The following ZNF469 variants were observed in gnomAD, a reference collection of about 807,000 sequenced individuals.
ZNF469 encodes the protein zinc finger protein 469.
Under a neutral mutation model 1.0 loss-of-function variants are expected in ZNF469, and 1 was observed. That is an observed-to-expected ratio of 1.00 (90% CI 0.35 to 4.73). ZNF469 has a LOEUF of 4.73. Ranked by LOEUF, ZNF469 falls within the 30% of genes most tolerant of loss-of-function variation. The pLI is 0.16. For synonymous variants in ZNF469, 2,703 were observed against 2,363.4 expected, an observed-to-expected ratio of 1.14 and a Z score of -4.17; for missense variants, 6,100 against 5,356.3, an observed-to-expected ratio of 1.14 and a Z score of -4.33.
At chr16:88,341,555 A>G in the ZNF469 span, among the ~76,000 whole-genome samples, 3 of 152,224 alleles carry the variant, frequency 2.0e-5, no homozygotes. Context: ...GCCGTGCCCC[A>G]GAAAGCAGGC....
At chr16:88,125,787 T>A in the ZNF469 span, among the ~76,000 whole-genome samples, 412 of 152,376 alleles carry the variant, frequency 2.7e-3, 3 homozygotes, top group Non-Finnish European at 2.5e-3. Flanking sequence ...TGGTATTTTT[T>A]AAAAATTTAA....
At chr16:88,200,680 C>T in the ZNF469 span, among the ~76,000 whole-genome samples, 70 of 152,384 alleles carry the variant, frequency 4.6e-4, no homozygotes, top group African/African-American at 1.6e-3. Flanking sequence ...CAGCTGGTTC[C>T]CTCTGCCTGG....
the ZNF469 span, among the ~76,000 whole-genome samples, chr16:88,141,703 C>T: frequency 2.0e-5 from 3 of 152,252 alleles, no homozygotes; most frequent in South Asian, 6.2e-4. Context: ...CACGGGCATC[C>T]TTGTAGGAGG....
chr16:88,432,144 C>A lies in ZNF469; in HGVS notation c.4674C>A (p.Ser1558=). The stretch of plus-strand genomic sequence containing the variant: ...GCGTTGCTCTTATGAGTCACCTGTC[C>A]GAGGATGAACTGGAGATCCAGAAAT... ...GCSVALMSHL[S]EDELEIQKLV... is the part of the protein sequence containing the mutation. The change falls in exon 3 of 3, where the codon TCC becomes TCA. Residue 1558 remains serine (S), a synonymous_variant. Transcript: ENST00000565624. The A allele has an allele frequency of 6.5e-7, 1 of 1,550,272 alleles. No homozygotes were observed. Among genetic ancestry groups the A allele is most frequent in the Non-Finnish European group, 8.7e-7 (1 of 1,146,972 alleles).
chr16:88,341,943 C>A, the ZNF469 span, among the ~76,000 whole-genome samples: 1 of 152,130 alleles, frequency 6.6e-6, no homozygotes, highest in African/African-American at 2.4e-5. Flanking sequence ...GGTGTCGGGG[C>A]GGCCAGCATT....
chr16:88,431,766 C>A lies in ZNF469; in HGVS notation c.4296C>A (p.Ser1432Arg). The A allele has an allele frequency of 6.5e-7, 1 of 1,549,910 alleles. No homozygotes were observed. Among genetic ancestry groups the A allele is most frequent in the Non-Finnish European group, 8.7e-7 (1 of 1,146,954 alleles). The change falls in exon 3 of 3, where the codon AGC becomes AGA. Residue 1432 changes from serine to arginine, a missense_variant. Transcript: ENST00000565624. ...CCCTCGAGCCACAGCTGCCAAGGAG[C>A]CCACCTGGCACCGCTGAGACGGAGC... ...AGSLEPQLPRSPPGTAETEPG... is the reference protein window; with the variant it reads ...AGSLEPQLPRRPPGTAETEPG...
chr16:88,238,783 A>C, the ZNF469 span, among the ~76,000 whole-genome samples: 1 of 152,230 alleles, frequency 6.6e-6, no homozygotes, highest in Non-Finnish European at 1.5e-5. Context: ...GCCCTGTGAT[A>C]ATCCACCAGA....
chr16:88,347,576 T>C, the ZNF469 span, among the ~76,000 whole-genome samples: 1 of 152,110 alleles, frequency 6.6e-6, no homozygotes, highest in African/African-American at 2.4e-5. Context: ...TAAACTCCCG[T>C]TTTAACCACA....
the ZNF469 span, among the ~76,000 whole-genome samples, chr16:88,291,380 G>T: frequency 6.6e-6 from 1 of 152,190 alleles, no homozygotes. Context: ...TGAGCTATCG[G>T]ACGTAGAAGC....
At chr16:88,269,721 C>A in the ZNF469 span, among the ~76,000 whole-genome samples, 1 of 152,128 alleles carries the variant, frequency 6.6e-6, no homozygotes, top group Admixed American at 6.5e-5. Context: ...ACCAATCCCC[C>A]CAGCACACAT....
chr16:88,435,401 G>T lies in ZNF469; in HGVS notation c.7931G>T (p.Arg2644Leu), dbSNP rs281865152. 2.6e-6 allele frequency: 4 copies of T among 1,550,370 alleles called. No individual in the cohort carries two copies. Among genetic ancestry groups the T allele is most frequent in the Non-Finnish European group, 3.5e-6 (4 of 1,146,996 alleles). Residue 2644 changes from arginine to leucine, a missense_variant, in exon 3 of 3, where the codon CGG becomes CTG. Arg to Leu is a moderately radical substitution (Grantham distance 102). Coordinates refer to ENST00000565624, the MANE Select transcript of ZNF469 (RefSeq NM_001367624.2). The stretch of plus-strand genomic sequence containing the variant: ...GGAAAGCTGAGAGGGAGAAGGCTCC[G>T]GGAGGAGAGCATTCTTCCAGTCTCT... ...KRGKLRGRRL[R>L]EESILPVSAD...
chr16:88,283,921 C>T, the ZNF469 span, among the ~76,000 whole-genome samples: 1 of 129,564 alleles, frequency 7.7e-6, no homozygotes, highest in African/African-American at 3.2e-5. Flanking sequence ...CCCCAGTGTG[C>T]CCGAGGTCTG....
chr16:88,252,699 T>C, the ZNF469 span, among the ~76,000 whole-genome samples: 3 of 152,226 alleles, frequency 2.0e-5, no homozygotes, highest in East Asian at 5.8e-4. Context: ...TACACGCATG[T>C]GTATGTGTGT....
the ZNF469 span, among the ~76,000 whole-genome samples, chr16:88,257,795 G>C: frequency 6.6e-6 from 1 of 152,190 alleles, no homozygotes; most frequent in Non-Finnish European, 1.5e-5. Context: ...GTCAGCAAAG[G>C]AACCCCAGAC....
At position 88,437,405 on chromosome 16, in the gene ZNF469, C is replaced by T. The variant is rs960368050; in HGVS notation, c.9935C>T (p.Ser3312Phe). Reference sequence around the variant, plus strand: ...CCCCCCAGGACGACCCCCAGCCCGTCCCCCGACCCCTGGGCCGGCGGGGAG... The same window carrying T: ...CCCCCCAGGACGACCCCCAGCCCGTTCCCCGACCCCTGGGCCGGCGGGGAG... ...PGPPRTTPSP[S>F]PDPWAGGEPL... Residue 3312 changes from serine to phenylalanine, a missense_variant, in exon 3 of 3, where the codon TCC becomes TTC. Physicochemically the swap from Ser to Phe is radical, Grantham distance 155. Transcript: ENST00000565624. The T allele has an allele frequency of 1.6e-5, 24 of 1,526,812 alleles. No homozygotes were observed. The highest frequency in any genetic ancestry group is 1.9e-5 in the Non-Finnish European group (22 of 1,135,088). The allele number at this position is 1,526,812 out of a possible 1,614,324, so 94.6% of individuals were successfully genotyped here. A position where few individuals can be genotyped will look rare whatever the true frequency, so the allele number is the denominator to read the frequency against.
At chr16:88,379,525 C>T (rs1316370007), upstream of ZNF469, among the ~76,000 whole-genome samples, 6 of 152,084 alleles carry the variant, frequency 3.9e-5, no homozygotes, top group African/African-American at 9.7e-5. Flanking sequence ...AGGGGAGGGA[C>T]GGGAATCAGG....
chr16:88,370,564 G>A, the ZNF469 span, among the ~76,000 whole-genome samples: 2 of 152,162 alleles, frequency 1.3e-5, no homozygotes, highest in South Asian at 2.1e-4. Flanking sequence ...GGGGTTAGAC[G>A]TTCCGTGTGA....
intron 1 of ZNF469, among the ~76,000 whole-genome samples, chr16:88,395,423 A>G (rs1443047862): frequency 6.6e-6 from 1 of 152,192 alleles, no homozygotes; most frequent in Non-Finnish European, 1.5e-5. Context: ...ACACATATAT[A>G]CAGATATTGT....
At chr16:88,115,901 T>G in the ZNF469 span, among the ~76,000 whole-genome samples, 1 of 152,218 alleles carries the variant, frequency 6.6e-6, no homozygotes, top group Non-Finnish European at 1.5e-5. Flanking sequence ...TTTATCCTCA[T>G]GTGGTCTCTT....
Sources: allele counts gnomAD v4.1 joint callset (sites outside exome capture counted in the v4.1 genomes callset), GRCh38; gene constraint gnomAD v4.1.1; transcripts MANE v1.5; gene names NCBI Gene and HGNC (gene_info 2026-07-23, HGNC 2026-07-21).